The following CDH13 variants were observed in gnomAD, a reference collection of about 807,000 sequenced individuals.
CDH13 encodes cadherin-13.
CDH13 carries 24 observed loss-of-function variants against 63.8 expected under a neutral mutation model. The observed-to-expected ratio is 0.38, with a 90% confidence interval of 0.27 to 0.53. The LOEUF (loss-of-function observed/expected upper bound fraction) is 0.53, where lower values mean the gene tolerates loss of function less well. Among genes scored for constraint, CDH13 ranks in the 20% least tolerant of loss-of-function variants. The probability of loss-of-function intolerance (pLI) is 0.85; values close to 1 mark genes in which losing one functional copy is unlikely to be tolerated. For missense variants in CDH13, 1,049 were observed against 903.1 expected (o/e 1.16, Z -2.07); for synonymous variants, 503 against 355.3 (o/e 1.42, Z -4.67).
chr16:83,218,066 A>T (rs562887628), intron 5 of CDH13, among the ~76,000 whole-genome samples: 1 of 152,334 alleles, frequency 6.6e-6, no homozygotes, highest in African/African-American at 2.4e-5. Context: ...GAGTATTTGC[A>T]CATATCATGA....
chr16:83,142,935 A>C (rs7203956), intron 4 of CDH13, among the ~76,000 whole-genome samples: 46,303 of 152,004 alleles, frequency 0.3, 8,164 homozygotes, highest in African/African-American at 0.49. Context: ...GAAACCCCGT[A>C]TGTACTGAAA....
At chr16:82,868,145 G>T (rs1393704751) in intron 2 of CDH13, among the ~76,000 whole-genome samples, 2 of 152,154 alleles carry the variant, frequency 1.3e-5, no homozygotes, top group Admixed American at 1.3e-4. Flanking sequence ...GTTTCAAGTA[G>T]TATATTTGTT....
chr16:82,864,921 G>C (rs2040072770), intron 2 of CDH13, among the ~76,000 whole-genome samples: 1 of 152,168 alleles, frequency 6.6e-6, no homozygotes, highest in African/African-American at 2.4e-5. Flanking sequence ...GGAGGTACGG[G>C]CATTGGGTAA....
chr16:83,674,939 A>C (rs972121855), intron 9 of CDH13, among the ~76,000 whole-genome samples: 2 of 152,182 alleles, frequency 1.3e-5, no homozygotes, highest in African/African-American at 4.8e-5. Flanking sequence ...CACAGGCCTA[A>C]ACATAGCTAT....
chr16:82,681,648 C>A (rs1914560408), intron 1 of CDH13, among the ~76,000 whole-genome samples: 2 of 152,206 alleles, frequency 1.3e-5, no homozygotes, highest in Admixed American at 1.3e-4. Flanking sequence ...TCCTGGTGCC[C>A]CCGTTGCATT....
At chr16:83,787,281 C>G (rs1567596260) in intron 13 of CDH13, among the ~76,000 whole-genome samples, 1 of 152,166 alleles carries the variant, frequency 6.6e-6, no homozygotes, top group Non-Finnish European at 1.5e-5. Context: ...CCATATTAGT[C>G]TCTGTCACAT....
rs201130826 is a variant in CDH13, at chr16:83,768,959, A to G, written c.1682-11009A>G. ...CTGGGAATGCAGCCCAGTAGGTCTCATCCTCATTTTACCCAGCTCCTATTC... is the reference window on the plus strand; with the variant it reads ...CTGGGAATGCAGCCCAGTAGGTCTCGTCCTCATTTTACCCAGCTCCTATTC... On this transcript the variant is annotated intron_variant, in intron 11 of 13. Transcript: ENST00000567109. Among the ~76,000 whole-genome samples, 151 of 152,310 alleles carry G rather than the reference A, an allele frequency of 9.9e-4. 5 individuals are homozygous for G. The highest frequency in any genetic ancestry group is 2.1e-3 in the East Asian group (11 of 5,170).
chr16:83,249,892 G>C (rs1905322987), intron 5 of CDH13, among the ~76,000 whole-genome samples: 1 of 152,134 alleles, frequency 6.6e-6, no homozygotes. Flanking sequence ...TCTCATGATG[G>C]TCCTCATGTG....
chr16:83,033,151 C>T (rs1276745656), intron 3 of CDH13, among the ~76,000 whole-genome samples: 1 of 152,076 alleles, frequency 6.6e-6, no homozygotes, highest in Non-Finnish European at 1.5e-5. Flanking sequence ...TGTATACATC[C>T]ACATTTAATA....
At chr16:83,231,306 AAG>A (rs1175942311) in intron 5 of CDH13, among the ~76,000 whole-genome samples, 1 of 152,208 alleles carries the variant, frequency 6.6e-6, no homozygotes, top group Non-Finnish European at 1.5e-5. Context: ...CAGCTACTGA[AAG>A]AGCATCTGTG....
chr16:83,253,681 A>G (rs552514360), intron 5 of CDH13, among the ~76,000 whole-genome samples: 1 of 152,184 alleles, frequency 6.6e-6, no homozygotes, highest in African/African-American at 2.4e-5. Flanking sequence ...AATACTCTTA[A>G]GATCATGTGA....
chr16:83,646,970 C>G (rs1460716412), intron 8 of CDH13, among the ~76,000 whole-genome samples: 1 of 152,112 alleles, frequency 6.6e-6, no homozygotes, highest in East Asian at 1.9e-4. Context: ...GAGGTCTACA[C>G]CAGGCACCTG....
chr16:83,123,892 G>A (rs1481083134), intron 3 of CDH13, among the ~76,000 whole-genome samples: 2 of 151,952 alleles, frequency 1.3e-5, no homozygotes, highest in African/African-American at 4.8e-5. Flanking sequence ...TTTAATCATA[G>A]CCATTCTGAC....
intron 5 of CDH13, among the ~76,000 whole-genome samples, chr16:83,326,537 G>A (rs866266021): frequency 1.3e-5 from 2 of 151,354 alleles, no homozygotes; most frequent in East Asian, 1.9e-4. Flanking sequence ...TAGTTCAACC[G>A]AACAAAATTC....
chr16:83,039,808 C>T (rs1011130781), intron 3 of CDH13, among the ~76,000 whole-genome samples: 3 of 152,146 alleles, frequency 2.0e-5, no homozygotes, highest in Admixed American at 6.5e-5. Flanking sequence ...TTTCCCATCC[C>T]TTCACACTGG....
At chr16:83,090,995 T>C (rs541994132) in intron 3 of CDH13, among the ~76,000 whole-genome samples, 5 of 152,330 alleles carry the variant, frequency 3.3e-5, no homozygotes, top group African/African-American at 1.2e-4. Flanking sequence ...AATATATATG[T>C]TTGTTACTGT....
At chr16:83,227,974 G>C (rs571114237) in intron 5 of CDH13, among the ~76,000 whole-genome samples, 5 of 152,154 alleles carry the variant, frequency 3.3e-5, no homozygotes, top group African/African-American at 1.2e-4. Flanking sequence ...GTGACGATCA[G>C]GTGGCCCTAA....
intron 6 of CDH13, among the ~76,000 whole-genome samples, chr16:83,448,209 G>A (rs2072769441): frequency 6.6e-6 from 1 of 152,066 alleles, no homozygotes; most frequent in South Asian, 2.1e-4. Flanking sequence ...GCTATCTGGA[G>A]TGGAGCAGGA....
At chr16:83,018,543 A>G (rs1187885244) in intron 2 of CDH13, among the ~76,000 whole-genome samples, 1 of 152,226 alleles carries the variant, frequency 6.6e-6, no homozygotes, top group Admixed American at 6.5e-5. Context: ...TGACAAGCAC[A>G]TTATTTCACC....
Sources: allele counts gnomAD v4.1 joint callset (sites outside exome capture counted in the v4.1 genomes callset), GRCh38; gene constraint gnomAD v4.1.1; transcripts MANE v1.5; gene names NCBI Gene and HGNC (gene_info 2026-07-23, HGNC 2026-07-21).